The following TRPC4 variants were observed in gnomAD, a reference collection of about 807,000 sequenced individuals.
The protein encoded by TRPC4 is short transient receptor potential channel 4.
Under a neutral mutation model 99.4 loss-of-function variants are expected in TRPC4, and 49 were observed. That is an observed-to-expected ratio of 0.49 (90% CI 0.39 to 0.63). The LOEUF (loss-of-function observed/expected upper bound fraction) is 0.63. TRPC4 is among the 20% of genes least tolerant of loss of function. The pLI is 0.00. For missense variants in TRPC4, 898 were observed against 1,152.9 expected, an observed-to-expected ratio of 0.78 and a Z score of 3.20; for synonymous variants, 454 against 425.9, an observed-to-expected ratio of 1.07 and a Z score of -0.81.
intron 2 of TRPC4, among the ~76,000 whole-genome samples, chr13:37,774,645 C>T (rs569600199): frequency 6.6e-6 from 1 of 151,618 alleles, no homozygotes; most frequent in Non-Finnish European, 1.5e-5. Context: ...CTGATCCTGT[C>T]CCTCCTCTCA....
At chr13:37,788,371 T>C (rs887364917) in intron 1 of TRPC4, among the ~76,000 whole-genome samples, 1 of 152,224 alleles carries the variant, frequency 6.6e-6, no homozygotes, top group African/African-American at 2.4e-5. Context: ...TTATAAACTT[T>C]AAGCTCATCT....
chr13:37,722,785 T>C (rs549199885), intron 3 of TRPC4, among the ~76,000 whole-genome samples: 1 of 151,468 alleles, frequency 6.6e-6, no homozygotes, highest in East Asian at 1.9e-4. Context: ...AATTAGTAAA[T>C]AAACACTTAC....
chr13:37,859,173 A>ACTGATTTATTTATTCATTTTGTATATTTT (rs1959201976), intron 1 of TRPC4, among the ~76,000 whole-genome samples: 2 of 151,626 alleles, frequency 1.3e-5, no homozygotes, highest in Non-Finnish European at 3.0e-5. Flanking sequence ...AGAGCTGTAA[A>ACTGATTTATTTATTCATTTTGTATATTTT]TAAAATATAC....
At chr13:37,708,732 T>A (rs1593557686) in intron 3 of TRPC4, among the ~76,000 whole-genome samples, 1 of 148,776 alleles carries the variant, frequency 6.7e-6, no homozygotes, top group East Asian at 2.0e-4. Flanking sequence ...TAACTATATA[T>A]GTATATATAT....
intron 3 of TRPC4, among the ~76,000 whole-genome samples, chr13:37,696,683 G>A (rs963843292): frequency 6.6e-6 from 1 of 152,100 alleles, no homozygotes; most frequent in South Asian, 2.1e-4. Context: ...TTACATAAGG[G>A]CAATCTGATT....
chr13:37,666,532 G>A (rs1202021136), intron 5 of TRPC4, among the ~76,000 whole-genome samples: 2 of 152,050 alleles, frequency 1.3e-5, no homozygotes, highest in African/African-American at 2.4e-5. Context: ...ATTTTCTTAA[G>A]TTTTTAACTA....
At chr13:37,676,910 C>G (rs1953075330) in intron 4 of TRPC4, among the ~76,000 whole-genome samples, 1 of 140,144 alleles carries the variant, frequency 7.1e-6, no homozygotes, top group Non-Finnish European at 1.6e-5. Flanking sequence ...GATTTATGTC[C>G]AGAAATGTGT....
Position 37,716,631 on chromosome 13 carries a change from T to C in TRPC4, c.898-24296A>G, listed in dbSNP as rs761918665. On this transcript the variant is annotated intron_variant, in intron 3 of 10. Coordinates refer to ENST00000379705, the MANE Select transcript of TRPC4 (RefSeq NM_016179.4). The stretch of plus-strand genomic sequence containing the variant: ...TATGTGGTGGGAGGGGAGGTCATTC[T>C]GAGGACATAAAAGACATTACTGCTA... 2.0e-5 allele frequency among the ~76,000 whole-genome samples: 3 copies of C among 152,270 alleles called. No individual in the cohort carries two copies. The South Asian group carries it at 6.2e-4, about 32-fold the overall frequency.
intron 3 of TRPC4, among the ~76,000 whole-genome samples, chr13:37,698,288 G>A (rs1195549924): frequency 6.7e-6 from 1 of 148,764 alleles, no homozygotes; most frequent in African/African-American, 2.5e-5. Context: ...AGCCTCCCGA[G>A]GTAGCTGGGA....
At chr13:37,699,898 A>G (rs1290446085) in intron 3 of TRPC4, among the ~76,000 whole-genome samples, 1 of 152,174 alleles carries the variant, frequency 6.6e-6, no homozygotes, top group Non-Finnish European at 1.5e-5. Context: ...GATCTGAGAC[A>G]ATGAGTGAGC....
At chr13:37,683,903 C>G (rs1593505511) in intron 4 of TRPC4, among the ~76,000 whole-genome samples, 1 of 152,078 alleles carries the variant, frequency 6.6e-6, no homozygotes, top group Admixed American at 6.6e-5. Context: ...ACATAGCCTA[C>G]TTTTAAATAA....
chr13:37,678,412 G>A (rs2138792072), intron 4 of TRPC4, among the ~76,000 whole-genome samples: 1 of 151,972 alleles, frequency 6.6e-6, no homozygotes, highest in East Asian at 1.9e-4. Flanking sequence ...ATCAATATCA[G>A]AAATTAAAGA....
At chr13:37,716,768 C>A (rs1417851416) in intron 3 of TRPC4, among the ~76,000 whole-genome samples, 1 of 152,104 alleles carries the variant, frequency 6.6e-6, no homozygotes, top group African/African-American at 2.4e-5. Flanking sequence ...CGTTACAAGT[C>A]TCAACGAGCA....
At chr13:37,640,085 A>G (rs183563013) in intron 8 of TRPC4, among the ~76,000 whole-genome samples, 3 of 152,112 alleles carry the variant, frequency 2.0e-5, no homozygotes, top group African/African-American at 4.8e-5. Flanking sequence ...AAGATATTAG[A>G]AAAAAACCCT....
At chr13:37,854,286 C>T (rs1244400063) in intron 1 of TRPC4, among the ~76,000 whole-genome samples, 2 of 151,868 alleles carry the variant, frequency 1.3e-5, no homozygotes, top group African/African-American at 4.8e-5. Context: ...TTTACAGTGC[C>T]GAACGAAAAA....
At chr13:37,809,766 T>C (rs1957624426) in intron 1 of TRPC4, among the ~76,000 whole-genome samples, 1 of 152,066 alleles carries the variant, frequency 6.6e-6, no homozygotes, top group Non-Finnish European at 1.5e-5. Flanking sequence ...GAACTGTGGG[T>C]CCACTATGAA....
At chr13:37,711,559 G>A (rs1337647955) in intron 3 of TRPC4, among the ~76,000 whole-genome samples, 1 of 151,888 alleles carries the variant, frequency 6.6e-6, no homozygotes, top group Non-Finnish European at 1.5e-5. Context: ...TAAATTTGAA[G>A]TTCACTTTAA....
At chr13:37,658,958 G>T (rs1259013647) in intron 6 of TRPC4, among the ~76,000 whole-genome samples, 1 of 152,128 alleles carries the variant, frequency 6.6e-6, no homozygotes, top group Non-Finnish European at 1.5e-5. Context: ...TTGCCACATG[G>T]AAGGGCAGAA....
intron 6 of TRPC4, among the ~76,000 whole-genome samples, chr13:37,662,187 G>C (rs1010721418): frequency 2.6e-5 from 4 of 152,074 alleles, no homozygotes; most frequent in Non-Finnish European, 5.9e-5. Flanking sequence ...GTGGGTGCCT[G>C]TAGCCCCAGC....
Sources: gnomAD v4.1 joint callset for allele counts (sites outside exome capture counted in the v4.1 genomes callset) on GRCh38, gnomAD v4.1.1 for gene constraint, MANE v1.5 for transcripts, NCBI Gene and HGNC (gene_info 2026-07-23, HGNC 2026-07-21) for gene names.